PLPPR3: variants seen among roughly 807,000 people sequenced by gnomAD.
PLPPR3 encodes phospholipid phosphatase related 3, also known as phospholipid phosphatase-related protein type 3.
In PLPPR3, 14 loss-of-function variants were observed where a neutral mutation model predicts 27.3. The ratio of observed to expected loss-of-function variants is 0.51; its 90% CI spans 0.34 to 0.80. PLPPR3 has a LOEUF of 0.80. PLPPR3 is among the 30% of genes least tolerant of loss of function. The pLI is 0.01. For synonymous variants in PLPPR3, 671 were observed against 508.0 expected, an observed-to-expected ratio of 1.32 and a Z score of -4.32; for missense variants, 1,287 against 1,056.9, an observed-to-expected ratio of 1.22 and a Z score of -3.02.
chr19:823,373 C>T (rs2035175945), upstream of PLPPR3, among the ~76,000 whole-genome samples: 2 of 148,502 alleles, frequency 1.3e-5, no homozygotes, highest in South Asian at 4.3e-4. Context: ...ACCTGGGAGG[C>T]GGAGGTTGCA....
intron 2 of PLPPR3, among the ~76,000 whole-genome samples, chr19:816,065 C>T (rs78453354): frequency 0.021 from 3,247 of 152,170 alleles, 112 homozygotes; most frequent in African/African-American, 0.073. Flanking sequence ...CTCACTCATC[C>T]TCCATCCACC....
chr19:823,601 A>C (rs1310485397), upstream of PLPPR3, among the ~76,000 whole-genome samples: 1 of 152,194 alleles, frequency 6.6e-6, no homozygotes, highest in East Asian at 1.9e-4. Flanking sequence ...ATGGGAACTC[A>C]ATGGTGTTGC....
rs768946442 is a variant in PLPPR3 at position 812,937 on chromosome 19, G to A, written c.1790C>T (p.Ala597Val). Residue 597 changes from alanine to valine, a missense_variant, in exon 8 of 8, where the codon GCC becomes GTC. Coordinates refer to ENST00000520876, the MANE Select transcript of PLPPR3 (RefSeq NM_001270366.2). ...APHHPVVHLS[A>V]GGAPWEWKAA... ...CTTCCACTCCCAGGGCGCGCCGCCG[G>A]CCGACAGGTGCACCACGGGGTGGTG... 4.4e-6 allele frequency: 6 copies of A among 1,361,794 alleles called. No individual in the cohort carries two copies. The South Asian group carries it at 7.3e-5, about 16-fold the overall frequency. 84.4% of individuals were successfully genotyped at this position (1,361,794 alleles called of 1,614,324 possible).
rs548125579 is a variant in PLPPR3 at position 821,880 on chromosome 19, A to G, written c.-27+35T>C. The stretch of plus-strand genomic sequence containing the variant: ...ACTGGGGTTCCGGGCGGCGGAGGAG[A>G]CTGGGTCCGCGCCCCCAGCCCCACA... On this transcript the variant is annotated intron_variant, in intron 1 of 7. Transcript: ENST00000520876. The G allele has an allele frequency of 8.9e-3, 1,957 of 220,834 alleles. 39 individuals carry two copies. The highest frequency in any genetic ancestry group is 0.043 in the African/African-American group (1,850 of 42,556). The allele number at this position is 220,834 out of a possible 1,614,324, so 13.7% of individuals were successfully genotyped here. A position where few individuals can be genotyped will look rare whatever the true frequency, so the allele number is the denominator to read the frequency against.
In PLPPR3 at chr19:815,286, C is replaced by T. The variant is rs984866305; in HGVS notation, c.303G>A (p.Arg101=). Residue 101 remains arginine (R), a synonymous_variant, in exon 4 of 8, where the codon CGG becomes CGA. Transcript: ENST00000520876. ...CGGGCCCCCCGGCACGGCCCCACAG[C>T]CGGGACTGCAGACAGTACAACATGC... ...AEGMLYCLQS[R]LWGRAGGPAG... is the part of the protein sequence containing the mutation. 3 of 1,552,782 alleles carry T rather than the reference C, an allele frequency of 1.9e-6. No homozygotes were observed. Among genetic ancestry groups the T allele is most frequent in the East Asian group, 4.9e-5 (2 of 41,078 alleles).
chr19:820,662 G>A (rs1331475935), intron 2 of PLPPR3, among the ~76,000 whole-genome samples: 1 of 152,112 alleles, frequency 6.6e-6, no homozygotes, highest in East Asian at 1.9e-4. Flanking sequence ...TGGGCTCACA[G>A]GCATAAGCCA....
intron 2 of PLPPR3, 119 bp downstream of exon 2, chr19:821,366 C>A (rs2035141702): frequency 2.5e-6 from 2 of 812,960 alleles, no homozygotes; most frequent in Middle Eastern, 3.8e-4. Flanking sequence ...CCCGGTCCTG[C>A]CCCGCCCCGA....
Position 813,358 on chromosome 19 carries a change from C to T in PLPPR3, c.1369G>A (p.Glu457Lys), listed in dbSNP as rs1327169691. 3 of 1,485,866 alleles carry T rather than the reference C, an allele frequency of 2.0e-6. No individual in the cohort carries two copies. The highest frequency in any genetic ancestry group is 1.8e-6 in the Non-Finnish European group (2 of 1,126,128). 92.0% of individuals were successfully genotyped at this position (1,485,866 alleles called of 1,614,324 possible). ...EDEEEEEEEE[E>K]EEDEGPAPPS... ...GGGGCCGGGCCCTCGTCCTCCTCCT[C>T]TTCCTCCTCCTCCTCTTCCTCTTCG... The change falls in exon 8 of 8, where the codon GAG becomes AAG. Residue 457 changes from glutamate to lysine, a missense_variant. By Grantham distance (56) the Glu-to-Lys change is moderately conservative (BLOSUM62 1). Transcript: ENST00000520876. The surrounding 1 kb of genome is among the most constrained non-coding windows in gnomAD (Gnocchi z 4.1).
intron 5 of PLPPR3, 28 bp from the exon 6 acceptor site, chr19:814,777 G>T: frequency 6.4e-7 from 1 of 1,558,398 alleles, no homozygotes. Flanking sequence ...CGTGAGCCCC[G>T]CCCACCTGGG....
upstream of PLPPR3, chr19:822,045 C>T (rs1185049574): frequency 1.3e-5 from 2 of 151,908 alleles, no homozygotes; most frequent in South Asian, 2.1e-4. Context: ...ACGCCGCAGC[C>T]CAGACGCCGC....
At chr19:819,279 C>CTTTTT (rs1252377454) in intron 2 of PLPPR3, among the ~76,000 whole-genome samples, 20 of 60,970 alleles carry the variant, frequency 3.3e-4, no homozygotes, top group African/African-American at 8.1e-4. Context: ...ACCCAGCCTA[C>CTTTTT]TTTTTTTTTT....
chr19:821,425 T>G (rs1599264730), intron 2 of PLPPR3, 60 bp downstream of exon 2: 7 of 1,428,382 alleles, frequency 4.9e-6, no homozygotes, highest in Middle Eastern at 2.3e-4. Context: ...AGCGCGGGGG[T>G]CTCTGCGGGC....
chr19:823,300 G>C (rs2035175091), upstream of PLPPR3, among the ~76,000 whole-genome samples: 1 of 150,946 alleles, frequency 6.6e-6, no homozygotes, highest in East Asian at 1.9e-4. Context: ...AAATTAGCCG[G>C]ACATGGTGGC....
Position 815,767 on chromosome 19 carries a change from A to G in PLPPR3, c.160T>C (p.Cys54Arg). Residue 54 changes from cysteine to arginine, a missense_variant, in exon 3 of 8, where the codon TGC (cysteine) becomes CGC (arginine). Coordinates refer to ENST00000520876, the MANE Select transcript of PLPPR3 (RefSeq NM_001270366.2). ...GGCATGGAGAGAGTGCGGTCATAGCACTGGAAGCCCACCTTGGCCGGCTTG... is the reference window on the plus strand; with the variant it reads ...GGCATGGAGAGAGTGCGGTCATAGCGCTGGAAGCCCACCTTGGCCGGCTTG... ...LFKPAKVGFQ[C>R]YDRTLSMPYV... 1 of 1,612,858 alleles carries G rather than the reference A, an allele frequency of 6.2e-7. No homozygotes were observed. The highest frequency in any genetic ancestry group is 8.5e-7 in the Non-Finnish European group (1 of 1,179,898).
chr19:815,108 G>T (rs765936918), intron 4 of PLPPR3, 27 bp from the exon 5 acceptor site: 1 of 1,600,606 alleles, frequency 6.2e-7, no homozygotes, highest in South Asian at 1.1e-5. Context: ...TCGGCCAGGC[G>T]GGGAGCTGGG....
intron 6 of PLPPR3, 23 bp downstream of exon 6, chr19:814,668 AG>A: frequency 1.2e-6 from 2 of 1,607,488 alleles, no homozygotes; most frequent in Non-Finnish European, 1.7e-6. Context: ...GGGCCTGGGA[AG>A]GGCAGTGAGG....
chr19:822,617 G>C (rs1040315522), upstream of PLPPR3, among the ~76,000 whole-genome samples: 71 of 152,156 alleles, frequency 4.7e-4, no homozygotes, highest in Non-Finnish European at 8.4e-4. Context: ...GGGGCGCGGG[G>C]CTGGGGGCTG....
At position 815,180 on chromosome 19, in the gene PLPPR3, A is replaced by G. The variant is rs2035030881; in HGVS notation, c.403+6T>C. On this transcript the variant is annotated splice_donor_region_variant and intron_variant, in intron 4 of 7. Transcript: ENST00000520876. ...GCTCAGGGTCGGGGCGCGTCCCGCA[A>G]CTCACCCACAAACCGCACCGTACGC... 6.2e-7 allele frequency: 1 copy of G among 1,603,350 alleles called. No individual in the cohort carries two copies. The highest frequency in any genetic ancestry group is 1.3e-5 in the African/African-American group (1 of 74,760).
chr19:823,055 G>A (rs1046382991), upstream of PLPPR3, among the ~76,000 whole-genome samples: 6 of 151,938 alleles, frequency 3.9e-5, no homozygotes, highest in Admixed American at 3.9e-4. Context: ...GGAAGCGGAG[G>A]TTGCAGTGAG....
Sources: allele counts gnomAD v4.1 joint callset (sites outside exome capture counted in the v4.1 genomes callset), GRCh38; gene constraint gnomAD v4.1.1; non-coding constraint Gnocchi (gnomAD v3.1); transcripts MANE v1.5; gene names NCBI Gene and HGNC (gene_info 2026-07-23, HGNC 2026-07-21).